PARD3B: variants seen among roughly 807,000 people sequenced by gnomAD.
PARD3B encodes partitioning defective 3 homolog B.
Under a neutral mutation model 130.2 loss-of-function variants are expected in PARD3B, and 103 were observed. The observed-to-expected ratio is 0.79, with a 90% CI of 0.67 to 0.93. The LOEUF is 0.93. PARD3B is among the 40% of genes least tolerant of loss of function. The pLI is 0.00. For missense variants in PARD3B, 1,609 were observed against 1,499.2 expected, an observed-to-expected ratio of 1.07 and a Z score of -1.21; for synonymous variants, 583 against 553.2, an observed-to-expected ratio of 1.05 and a Z score of -0.76.
intron 15 of PARD3B, among the ~76,000 whole-genome samples, chr2:205,223,225 A>G (rs2038340079): frequency 6.6e-6 from 1 of 152,194 alleles, no homozygotes; most frequent in Admixed American, 6.5e-5. Context: ...AAAAGGTAAA[A>G]AGGGTACAAA....
chr2:204,574,768 T>C (rs939847645), intron 1 of PARD3B, among the ~76,000 whole-genome samples: 1 of 152,184 alleles, frequency 6.6e-6, no homozygotes, highest in Non-Finnish European at 1.5e-5. Context: ...TTCTGTATCA[T>C]GTCTGTGTTT....
At chr2:204,754,948 C>T (rs11900470) in intron 2 of PARD3B, among the ~76,000 whole-genome samples, 1,788 of 152,052 alleles carry the variant, frequency 0.012, 29 homozygotes, top group African/African-American at 0.04. Flanking sequence ...TTTTGAAAAC[C>T]GAGTTCCTCA....
chr2:205,457,760 C>T (rs1056878879), intron 20 of PARD3B, among the ~76,000 whole-genome samples: 3 of 151,798 alleles, frequency 2.0e-5, no homozygotes, highest in African/African-American at 7.3e-5. Context: ...ATGTTTTTAT[C>T]AAAGTTTGTT....
At chr2:205,056,959 A>G (rs1414874489) in intron 4 of PARD3B, among the ~76,000 whole-genome samples, 1 of 151,182 alleles carries the variant, frequency 6.6e-6, no homozygotes, top group Non-Finnish European at 1.5e-5. Flanking sequence ...TATTCTTATG[A>G]AGACCCAAAG....
rs1008715162 is a variant in PARD3B, at chr2:205,440,118, A to G, written c.2742-252A>G. Among the ~76,000 whole-genome samples, 1 of 152,184 alleles carries G rather than the reference A, an allele frequency of 6.6e-6. No individual in the cohort carries two copies. The highest frequency in any genetic ancestry group is 6.6e-5 in the Admixed American group (1 of 15,264). The stretch of plus-strand genomic sequence containing the variant: ...CAGCCTCTGAAGCTACTATCAGCCT[A>G]GTCATCAGTGGGCAAGATATCAAAA... On this transcript the variant is annotated intron_variant, in intron 19 of 22. Coordinates refer to ENST00000406610, the MANE Select transcript of PARD3B (RefSeq NM_001302769.2). This position sits in a 1 kb window ranked among gnomAD's most constrained non-coding sequence, Gnocchi z 4.2.
intron 16 of PARD3B, among the ~76,000 whole-genome samples, chr2:205,255,670 T>C (rs910324035): frequency 2.0e-5 from 3 of 152,106 alleles, no homozygotes; most frequent in Non-Finnish European, 2.9e-5. Flanking sequence ...CTCAGGCAAA[T>C]GACTTACTTA....
chr2:204,745,776 T>C (rs1430271655), intron 2 of PARD3B, among the ~76,000 whole-genome samples: 1 of 152,048 alleles, frequency 6.6e-6, no homozygotes, highest in Non-Finnish European at 1.5e-5. Context: ...TCGCTATTAA[T>C]AGTAAATTCT....
rs969036049 is a variant in PARD3B at position 205,461,491 on chromosome 2, T to A, written c.3044+20819T>A. ...GGTCCCCTATTATTTCAGCACCACA[T>A]TTCAGCTTACCCATGGTTCTCCAGC... On this transcript the variant is annotated intron_variant, in intron 20 of 22. Transcript: ENST00000406610. The surrounding 1 kb of genome is among the most constrained non-coding windows in gnomAD (Gnocchi z 4.3). Among the ~76,000 whole-genome samples the A allele has an allele frequency of 6.6e-6, 1 of 152,176 alleles. No homozygotes were observed. Among genetic ancestry groups the A allele is most frequent in the Non-Finnish European group, 1.5e-5 (1 of 68,024 alleles).
intron 21 of PARD3B, among the ~76,000 whole-genome samples, chr2:205,507,196 ATTTTTTTTTTTTTTTTTTTTTT>A (rs71410819): frequency 1.6e-4 from 4 of 25,194 alleles, no homozygotes; most frequent in South Asian, 2.1e-3. Context: ...CAGGTGCAGT[ATTTTTTTTTTTTTTTTTTTTTT>A]TTTTTTTTTT....
intron 20 of PARD3B, among the ~76,000 whole-genome samples, chr2:205,493,688 A>T (rs2106325716): frequency 6.6e-6 from 1 of 152,012 alleles, no homozygotes; most frequent in South Asian, 2.1e-4. Context: ...TGTTAAAGTT[A>T]CAGGCTATAA....
Position 204,675,331 on chromosome 2 carries a change from A to AT in PARD3B, c.121-10842dup, listed in dbSNP as rs569205303. Among the ~76,000 whole-genome samples, 767 of 151,918 alleles carry AT rather than the reference A, an allele frequency of 5.0e-3. 6 individuals are homozygous for AT. The highest frequency in any genetic ancestry group is 0.018 in the African/African-American group (734 of 41,468). The stretch of plus-strand genomic sequence containing the variant: ...ATCAATTATGCATTAAATATCTTTA[A>AT]TTTTTTTTAATTTCAGACTTTTAAC... On this transcript the variant is annotated intron_variant, in intron 1 of 22. Transcript: ENST00000406610. The surrounding 1 kb of genome is among the most constrained non-coding windows in gnomAD (Gnocchi z 4.4).
At chr2:205,607,058 G>A (rs898623754) in intron 22 of PARD3B, among the ~76,000 whole-genome samples, 2 of 152,018 alleles carry the variant, frequency 1.3e-5, no homozygotes, top group East Asian at 1.9e-4. Flanking sequence ...TCTTCCAAAC[G>A]GAACCGCACA....
chr2:204,978,085 G>A (rs1692349323), intron 3 of PARD3B, among the ~76,000 whole-genome samples: 1 of 152,096 alleles, frequency 6.6e-6, no homozygotes, highest in South Asian at 2.1e-4. Context: ...CATTCAAAAG[G>A]CAGCCAGAGG....
At chr2:205,439,253 C>T (rs533926662) in intron 19 of PARD3B, among the ~76,000 whole-genome samples, 1 of 152,202 alleles carries the variant, frequency 6.6e-6, no homozygotes, top group African/African-American at 2.4e-5. Context: ...CACTTCTAGC[C>T]CACAGCCCTC....
At chr2:204,804,719 G>C (rs998144977) in intron 2 of PARD3B, among the ~76,000 whole-genome samples, 4 of 152,182 alleles carry the variant, frequency 2.6e-5, no homozygotes, top group Admixed American at 6.6e-5. Flanking sequence ...CTCAAGGATA[G>C]ACCGTATGTT....
At chr2:204,899,500 A>T (rs574070891) in intron 2 of PARD3B, among the ~76,000 whole-genome samples, 6 of 152,250 alleles carry the variant, frequency 3.9e-5, no homozygotes, top group Admixed American at 1.3e-4. Context: ...AGGAAAAAAA[A>T]CTAAAAAAAC....
At chr2:205,054,718 A>T (rs539569067) in intron 4 of PARD3B, among the ~76,000 whole-genome samples, 1 of 151,988 alleles carries the variant, frequency 6.6e-6, no homozygotes, top group Non-Finnish European at 1.5e-5. Context: ...CTAATCCCTT[A>T]GATGCCCAAG....
Position 204,545,967 on chromosome 2 carries a change from C to G in PARD3B, c.-33C>G, listed in dbSNP as rs1207812623. The G allele has an allele frequency of 6.5e-7, 1 of 1,531,370 alleles. No homozygotes were observed. The highest frequency in any genetic ancestry group is 1.2e-5 in the South Asian group (1 of 80,936). The allele number at this position is 1,531,370 out of a possible 1,614,324, so 94.9% of individuals were successfully genotyped here. ...GCGCCCGCGGGGTCAGACACCTGTT[C>G]GGCCCGGCCCGGCGTGGTCGCCGGG... On this transcript the variant is annotated 5_prime_UTR_variant, in exon 1 of 23. Coordinates refer to ENST00000406610, the MANE Select transcript of PARD3B (RefSeq NM_001302769.2).
chr2:204,628,945 A>T (rs1253179036), intron 1 of PARD3B, among the ~76,000 whole-genome samples: 2 of 152,188 alleles, frequency 1.3e-5, no homozygotes, highest in Non-Finnish European at 2.9e-5. Context: ...GTTGTAGAAT[A>T]TATATGGTAA....
Sources: gnomAD v4.1 joint callset for allele counts (sites outside exome capture counted in the v4.1 genomes callset) on GRCh38, gnomAD v4.1.1 for gene constraint, Gnocchi (gnomAD v3.1) non-coding constraint, MANE v1.5 for transcripts, NCBI Gene and HGNC (gene_info 2026-07-23, HGNC 2026-07-21) for gene names.